PCDHA9: variants seen among roughly 807,000 people sequenced by gnomAD.
PCDHA9 encodes the protein protocadherin alpha 9.
In PCDHA9, 62 loss-of-function variants were observed where a neutral mutation model predicts 62.0. The ratio of observed to expected loss-of-function variants is 1.00; its 90% CI spans 0.81 to 1.23. PCDHA9 has a LOEUF of 1.23. Ranked by LOEUF, PCDHA9 falls within the 50% of genes most tolerant of loss-of-function variation. PCDHA9 has a pLI of 0.00. For missense variants in PCDHA9, 1,205 were observed against 1,249.8 expected, an observed-to-expected ratio of 0.96 and a Z score of 0.54; for synonymous variants, 557 against 567.6, an observed-to-expected ratio of 0.98 and a Z score of 0.27.
chr5:140,941,809 TAG>T (rs1477400878), intron 1 of PCDHA9, among the ~76,000 whole-genome samples: 5 of 152,254 alleles, frequency 3.3e-5, no homozygotes, highest in Non-Finnish European at 5.9e-5. Context: ...TTGATTTCAG[TAG>T]GATGACTGCT....
chr5:140,892,813 T>C (rs1335475161), intron 1 of PCDHA9, among the ~76,000 whole-genome samples: 1 of 152,228 alleles, frequency 6.6e-6, no homozygotes, highest in Non-Finnish European at 1.5e-5. Context: ...ACCATATTTA[T>C]CCTACAGTGC....
At chr5:140,886,560 G>A (rs1230327560) in intron 1 of PCDHA9, among the ~76,000 whole-genome samples, 3 of 151,904 alleles carry the variant, frequency 2.0e-5, no homozygotes, top group Non-Finnish European at 4.4e-5. Flanking sequence ...GGGCACGGTG[G>A]CTCACGCCTG....
chr5:140,907,705 G>A (rs2073545190), intron 1 of PCDHA9, among the ~76,000 whole-genome samples: 1 of 152,204 alleles, frequency 6.6e-6, no homozygotes, highest in Non-Finnish European at 1.5e-5. Context: ...CCCTGTTGCT[G>A]AGCCCATGTG....
intron 1 of PCDHA9, chr5:140,927,515 G>A (rs782499434): frequency 1.2e-6 from 2 of 1,614,100 alleles, no homozygotes; most frequent in South Asian, 1.1e-5. Flanking sequence ...GCTCGGGACG[G>A]CGGGCTACCT....
intron 1 of PCDHA9, among the ~76,000 whole-genome samples, chr5:140,944,191 G>A (rs181232402): frequency 6.6e-6 from 1 of 151,980 alleles, no homozygotes. Flanking sequence ...GGTTTGTTTT[G>A]TTTTGTTTTG....
intron 3 of PCDHA9, among the ~76,000 whole-genome samples, chr5:141,003,410 C>T (rs1282162216): frequency 1.3e-5 from 2 of 152,110 alleles, no homozygotes; most frequent in Non-Finnish European, 2.9e-5. Flanking sequence ...CTCCCGGGTT[C>T]GAGTGATTCT....
intron 1 of PCDHA9, among the ~76,000 whole-genome samples, chr5:140,892,670 A>G (rs35160890): frequency 0.3 from 45,256 of 152,112 alleles, 7,290 homozygotes; most frequent in East Asian, 0.53. Context: ...ATTTTGATAC[A>G]TATATACAAT....
intron 1 of PCDHA9, among the ~76,000 whole-genome samples, chr5:140,945,974 A>C (rs887994156): frequency 6.6e-5 from 10 of 152,146 alleles, no homozygotes; most frequent in African/African-American, 2.2e-4. Flanking sequence ...AATAAAAGCA[A>C]AAATAGACTA....
chr5:140,949,764 G>A (rs1168507534), intron 1 of PCDHA9, among the ~76,000 whole-genome samples: 2 of 151,746 alleles, frequency 1.3e-5, no homozygotes, highest in African/African-American at 2.4e-5. Flanking sequence ...TCACATTAGT[G>A]TAATATTTGA....
At chr5:140,857,283 T>C in intron 1 of PCDHA9, 1 of 1,598,740 alleles carries the variant, frequency 6.3e-7, no homozygotes, top group Non-Finnish European at 8.6e-7. Context: ...GACAGCGCTC[T>C]GGACCGCGAG....
intron 1 of PCDHA9, chr5:140,856,177 C>G (rs200004763): frequency 6.3e-7 from 1 of 1,598,248 alleles, no homozygotes; most frequent in East Asian, 2.2e-5. Context: ...ACGGCACCTT[C>G]GTGGGCCGCA....
chr5:140,988,024 A>G (rs2153870091), intron 3 of PCDHA9, among the ~76,000 whole-genome samples: 1 of 152,316 alleles, frequency 6.6e-6, no homozygotes, highest in East Asian at 1.9e-4. Flanking sequence ...ATGATTCTTA[A>G]GTTTTTTAGA....
At chr5:140,897,471 G>A (rs1260992963) in intron 1 of PCDHA9, among the ~76,000 whole-genome samples, 3 of 151,810 alleles carry the variant, frequency 2.0e-5, no homozygotes, top group Non-Finnish European at 4.4e-5. Flanking sequence ...AGTTTACTGA[G>A]AATGATGATT....
chr5:140,850,138 A>T lies in PCDHA9; in HGVS notation c.1643A>T (p.Asn548Ile). The T allele has an allele frequency of 6.3e-7, 1 of 1,595,694 alleles. No homozygotes were observed. The highest frequency in any genetic ancestry group is 8.6e-7 in the Non-Finnish European group (1 of 1,167,818). Residue 548 changes from asparagine (N) to isoleucine (I), a missense_variant, in exon 1 of 4, where the codon AAC becomes ATC. Asn to Ile is a moderately radical substitution (Grantham distance 149). Coordinates refer to ENST00000532602, the MANE Select transcript of PCDHA9 (RefSeq NM_031857.2). ...GCGGGCGTGCCGCCTCTGGGCAGCA[A>T]CGTGACGCTGCAGGTGTTCGTGCTG... ...RDAGVPPLGS[N>I]VTLQVFVLDE...
At chr5:140,870,426 C>T in intron 1 of PCDHA9, 2 of 1,614,208 alleles carry the variant, frequency 1.2e-6, no homozygotes, top group South Asian at 2.2e-5. Context: ...CCAGGGTATC[C>T]GTGGAGGTGG....
At chr5:140,866,852 C>T (rs1004486221) in intron 1 of PCDHA9, 1 of 152,106 alleles carries the variant, frequency 6.6e-6, no homozygotes, top group Non-Finnish European at 1.5e-5. Flanking sequence ...TTAACAATAA[C>T]TGTATTGAAA....
intron 1 of PCDHA9, chr5:140,862,885 A>C (rs782336518): frequency 3.5e-6 from 2 of 563,674 alleles, no homozygotes; most frequent in Admixed American, 3.8e-5. Flanking sequence ...TAGTGCTGGA[A>C]CGACAACTTT....
rs2150442306 is a variant in PCDHA9 at position 140,849,604 on chromosome 5, C to T, written c.1109C>T (p.Ala370Val). 16 of 1,598,568 alleles carry T rather than the reference C, an allele frequency of 1.0e-5. 2 individuals are homozygous for T. The highest frequency in any genetic ancestry group is 1.4e-5 in the Non-Finnish European group (16 of 1,167,944). The change falls in exon 1 of 4, where the codon GCC becomes GTC. Residue 370 changes from alanine (A) to valine (V), a missense_variant. This residue lies in a region of PCDHA9 where 887 missense variants were observed against 809.5 expected (regional missense o/e 1.10). Coordinates refer to ENST00000532602, the MANE Select transcript of PCDHA9 (RefSeq NM_031857.2). Reference protein sequence around the residue: ...KEDAQLGTVIALISVIDLDAD... With the variant: ...KEDAQLGTVIVLISVIDLDAD... ...GACGCACAACTGGGGACAGTTATTG[C>T]CCTGATTAGTGTGATCGACCTAGAC... is the stretch of plus-strand genomic sequence containing the variant.
intron 1 of PCDHA9, chr5:140,884,631 A>G: frequency 2.5e-6 from 4 of 1,612,580 alleles, no homozygotes; most frequent in Non-Finnish European, 3.4e-6. Flanking sequence ...GGAACAGGCC[A>G]GAGGGAGGAG....
Sources: gnomAD v4.1 joint callset for allele counts (sites outside exome capture counted in the v4.1 genomes callset) on GRCh38, gnomAD v4.1.1 for gene constraint, gnomAD v4.1.1 regional missense constraint, MANE v1.5 for transcripts, NCBI Gene and HGNC (gene_info 2026-07-23, HGNC 2026-07-21) for gene names.